Variants in RYR1 observed in about 807,000 individuals in gnomAD.
RYR1 encodes ryanodine receptor 1, also known as central core disease of muscle.
Under a neutral mutation model 583.5 loss-of-function variants are expected in RYR1, and 342 were observed. The observed-to-expected ratio is 0.59, with a 90% CI of 0.54 to 0.64. The LOEUF (loss-of-function observed/expected upper bound fraction) is 0.64, where lower values mean the gene tolerates loss of function less well. Ranked by LOEUF, RYR1 falls within the 30% of genes least tolerant of loss-of-function variation. RYR1 has a pLI of 0.00. For missense variants in RYR1, 6,032 were observed against 6,917.2 expected (o/e 0.87, Z 4.54); for synonymous variants, 2,791 against 2,822.5 (o/e 0.99, Z 0.35).
intron 90 of RYR1, among the ~76,000 whole-genome samples, chr19:38,562,885 C>T (rs1385438859): frequency 6.6e-6 from 1 of 152,198 alleles, no homozygotes; most frequent in African/African-American, 2.4e-5. Context: ...CTCACATACT[C>T]CGCAGGAACC....
At chr19:38,525,196 A>G in intron 70 of RYR1, 136 bp from the exon 71 acceptor site, 9 of 963,790 alleles carry the variant, frequency 9.3e-6, no homozygotes, top group South Asian at 4.0e-5. Context: ...TGGGGTGGAA[A>G]TTGAGGTGTC....
At chr19:38,567,039 AGAGTAG>A in intron 92 of RYR1, 52 bp downstream of exon 92, 1 of 1,550,528 alleles carries the variant, frequency 6.4e-7, no homozygotes, top group East Asian at 2.4e-5. Context: ...CCTCCCTCCT[AGAGTAG>A]GAGCCTCCAG....
At chr19:38,537,043 A>G in intron 83 of RYR1, 1 of 570,208 alleles carries the variant, frequency 1.8e-6, no homozygotes, top group Non-Finnish European at 3.1e-6. Context: ...GCTAGAGAAC[A>G]TGGTAAAGAT....
rs751989788 is a variant in RYR1, at chr19:38,570,642, C to T, written c.13695C>T (p.Phe4565=). ...YLSRNFYTLR[F]LALFLAFAIN... ...CCCGGAACTTTTACACCCTGCGGTT[C>T]CTTGCCCTCTTCTTGGCATTTGCCA... The change falls in exon 94 of 106, where the codon TTC becomes TTT. Residue 4565 remains phenylalanine, a synonymous_variant. Transcript: ENST00000359596. 1 of 1,614,066 alleles carries T rather than the reference C, an allele frequency of 6.2e-7. No individual in the cohort carries two copies. The highest frequency in any genetic ancestry group is 8.5e-7 in the Non-Finnish European group (1 of 1,179,976).
chr19:38,528,216 G>T, intron 73 of RYR1, 90 bp from the exon 74 acceptor site: 1 of 1,069,322 alleles, frequency 9.4e-7, no homozygotes, highest in South Asian at 1.3e-5. Context: ...CCTGAATATG[G>T]ACTTCGACAC....
At chr19:38,440,363 A>G (rs766691301) in intron 1 of RYR1, among the ~76,000 whole-genome samples, 11 of 152,124 alleles carry the variant, frequency 7.2e-5, no homozygotes, top group Non-Finnish European at 1.5e-4. Context: ...ACATGGCGAA[A>G]CCTTGTCTCT....
Position 38,460,489 on chromosome 19 carries a change from C to G in RYR1, c.2475C>G (p.Ile825Met). The G allele has an allele frequency of 6.2e-7, 1 of 1,614,234 alleles. No homozygotes were observed. ...GAGAGCGACTCCATCTTGAACCCAT[C>G]AAGGAGTATCGACGGGAGGGGCCCC... is the stretch of plus-strand genomic sequence containing the variant. ...LPRERLHLEP[I>M]KEYRREGPRG... Residue 825 changes from isoleucine to methionine, a missense_variant, in exon 20 of 106, where the codon ATC (isoleucine) becomes ATG (methionine). By Grantham distance (10) the Ile-to-Met change is conservative. Coordinates refer to ENST00000359596, the MANE Select transcript of RYR1 (RefSeq NM_000540.3).
chr19:38,472,504 C>T (rs1968475991), intron 27 of RYR1, among the ~76,000 whole-genome samples: 1 of 152,084 alleles, frequency 6.6e-6, no homozygotes, highest in Non-Finnish European at 1.5e-5. Flanking sequence ...CTTTATTCAT[C>T]AAAACTAGTC....
At chr19:38,501,115 A>G in intron 47 of RYR1, 125 bp downstream of exon 47, 1 of 872,742 alleles carries the variant, frequency 1.1e-6, no homozygotes, top group East Asian at 2.7e-5. Flanking sequence ...ATAATCCCCA[A>G]TACCATCATC....
At chr19:38,501,139 A>G in intron 47 of RYR1, 149 bp downstream of exon 47, 1 of 774,742 alleles carries the variant, frequency 1.3e-6, no homozygotes, top group Non-Finnish European at 2.1e-6. Context: ...ATAGAAAATG[A>G]AAACGAAGAA....
Position 38,502,656 on chromosome 19 carries a change from C to T in RYR1, c.7764C>T (p.Arg2588=), listed in dbSNP as rs142441461. The part of the protein sequence containing the change: ...MVDSMLHTVY[R]LSRGRSLTKA... ...ACTCTATGCTGCATACCGTGTACCG[C>T]CTGTCTCGGGGTCGTTCGCTCACCA... Residue 2588 remains arginine, a synonymous_variant, in exon 48 of 106, where the codon CGC becomes CGT. Coordinates refer to ENST00000359596, the MANE Select transcript of RYR1 (RefSeq NM_000540.3). 2 of 1,612,558 alleles carry T rather than the reference C, an allele frequency of 1.2e-6. No homozygotes were observed. The highest frequency in any genetic ancestry group is 1.1e-5 in the South Asian group (1 of 91,046).
At chr19:38,577,822 A>C in intron 97 of RYR1, 96 bp from the exon 98 acceptor site, 1 of 1,524,008 alleles carries the variant, frequency 6.6e-7, no homozygotes, top group Non-Finnish European at 8.9e-7. Flanking sequence ...CCCATTTCTC[A>C]CTCAGAGTTT....
In RYR1 at chr19:38,433,793, C is replaced by G. The variant is rs886038309; in HGVS notation, c.-37C>G. 4 of 955,964 alleles carry G rather than the reference C, an allele frequency of 4.2e-6. No homozygotes were observed. The highest frequency in any genetic ancestry group is 4.4e-5 in the African/African-American group (2 of 45,720). The allele number at this position is 955,964 out of a possible 1,614,324, so 59.2% of individuals were successfully genotyped here. ...CAGCCCGCAGCCCCCTCCCTCTGTT[C>G]CCCGACCTCAGACCCTGGGCTTCCG... On this transcript the variant is annotated 5_prime_UTR_variant, in exon 1 of 106. Transcript: ENST00000359596.
intron 37 of RYR1, 130 bp from the exon 38 acceptor site, chr19:38,492,360 C>CAAA (rs60482983): frequency 0.012 from 8,618 of 723,628 alleles, 36 homozygotes; most frequent in African/African-American, 0.034. Context: ...GACACTGTCT[C>CAAA]AAAAAAAAAA....
intron 96 of RYR1, among the ~76,000 whole-genome samples, chr19:38,574,777 T>G (rs530405040): frequency 6.6e-6 from 1 of 152,112 alleles, no homozygotes; most frequent in Non-Finnish European, 1.5e-5. Flanking sequence ...GGCTCACATC[T>G]GTAATCAATC....
In RYR1 at chr19:38,543,770, G is replaced by C; in HGVS notation, c.11908-1G>C. ...CCCCCACACGGCACTCTGCCTCCCAGGGTCCCTGCACCGGGAACCAGCAGA... is the reference window on the plus strand; with the variant it reads ...CCCCCACACGGCACTCTGCCTCCCACGGTCCCTGCACCGGGAACCAGCAGA... On this transcript the variant is annotated splice_acceptor_variant, in intron 86 of 105. Transcript: ENST00000359596. LOFTEE classifies it high-confidence loss of function. The surrounding 1 kb of genome is among the most constrained non-coding windows in gnomAD (Gnocchi z 4.4). The C allele has an allele frequency of 6.2e-7, 1 of 1,612,882 alleles. No individual in the cohort carries two copies. Among genetic ancestry groups the C allele is most frequent in the Non-Finnish European group, 8.5e-7 (1 of 1,179,998 alleles).
At chr19:38,537,802 C>T in intron 83 of RYR1, 78 bp from the exon 84 acceptor site, 2 of 1,292,990 alleles carry the variant, frequency 1.5e-6, no homozygotes, top group Non-Finnish European at 2.2e-6. Flanking sequence ...GTGCAGTGTG[C>T]ATGGGCCTTG....
At position 38,532,478 on chromosome 19, in the gene RYR1, T is replaced by C; in HGVS notation, c.11142-12T>C. ...CACCGGGTCCTGACCACTCCCCTGC[T>C]TACTTCCCCAGCAAACTGGATGAGG... On this transcript the variant is annotated splice_polypyrimidine_tract_variant and intron_variant, in intron 76 of 105. Coordinates refer to ENST00000359596, the MANE Select transcript of RYR1 (RefSeq NM_000540.3). 1 of 1,614,102 alleles carries C rather than the reference T, an allele frequency of 6.2e-7. No homozygotes were observed. Among genetic ancestry groups the C allele is most frequent in the Non-Finnish European group, 8.5e-7 (1 of 1,180,018 alleles).
At chr19:38,515,629 A>C (rs59591700) in intron 64 of RYR1, among the ~76,000 whole-genome samples, 14,584 of 152,092 alleles carry the variant, frequency 0.096, 813 homozygotes, top group South Asian at 0.24. Context: ...CTCCATCTCT[A>C]CAAAAAAAAA....
Sources: allele counts gnomAD v4.1 joint callset (sites outside exome capture counted in the v4.1 genomes callset), GRCh38; gene constraint gnomAD v4.1.1; non-coding constraint Gnocchi (gnomAD v3.1); transcripts MANE v1.5; gene names NCBI Gene and HGNC (gene_info 2026-07-23, HGNC 2026-07-21).